The following DHX15 variants were observed in gnomAD, a reference collection of about 807,000 sequenced individuals.
DHX15 encodes DEAH-box helicase 15, also known as ATP-dependent RNA helicase DHX15.
Under a neutral mutation model 94.4 loss-of-function variants are expected in DHX15, and 11 were observed. The observed-to-expected ratio is 0.12, with a 90% CI of 0.07 to 0.19. DHX15 has a LOEUF of 0.19. DHX15 is among the 10% of genes least tolerant of loss of function. The pLI is 1.00. For missense variants in DHX15, 304 were observed against 988.5 expected (o/e 0.31, Z 9.29); for synonymous variants, 338 against 329.9 (o/e 1.02, Z -0.27).
chr4:24,565,209 T>C (rs941902966), intron 3 of DHX15, among the ~76,000 whole-genome samples: 1 of 152,248 alleles, frequency 6.6e-6, no homozygotes, highest in African/African-American at 2.4e-5. Flanking sequence ...GAGCCTTCTC[T>C]ATCTAATCCT....
intron 5 of DHX15, among the ~76,000 whole-genome samples, chr4:24,554,109 T>G (rs942507244): frequency 7.2e-5 from 11 of 152,202 alleles, no homozygotes; most frequent in African/African-American, 2.6e-4. Flanking sequence ...TCCCAGCTAC[T>G]TGGGAGGCTG....
chr4:24,533,856 G>C (rs889548221), intron 11 of DHX15: 1 of 152,184 alleles, frequency 6.6e-6, no homozygotes, highest in African/African-American at 2.4e-5. Context: ...CAGGGTTATT[G>C]TGAAATGGGA....
chr4:24,559,743 T>C (rs1039679719), intron 3 of DHX15, among the ~76,000 whole-genome samples: 1 of 152,136 alleles, frequency 6.6e-6, no homozygotes, highest in African/African-American at 2.4e-5. Flanking sequence ...TCTTAAAAAT[T>C]TATTAGCATC....
chr4:24,539,984 A>AT, intron 10 of DHX15, 124 bp downstream of exon 10: 1 of 650,702 alleles, frequency 1.5e-6, no homozygotes, highest in South Asian at 3.7e-5. Flanking sequence ...AGAAAACAAA[A>AT]TTAATTCCTT....
chr4:24,537,156 G>A lies in DHX15; in HGVS notation c.1804C>T (p.Arg602Cys). ...AMLSVPQCFV[R>C]PTEAKKAADE... The stretch of plus-strand genomic sequence containing the variant: ...GCGGCTTTCTTGGCCTCCGTGGGGC[G>A]AACAAAACACTGTGGGACTAAACAA... Residue 602 changes from arginine (R) to cysteine (C), a missense_variant, in exon 11 of 14, where the codon CGC becomes TGC. This residue lies in a region of DHX15 where 44 missense variants were observed against 236.7 expected (regional missense o/e 0.19). Coordinates refer to ENST00000336812, the MANE Select transcript of DHX15 (RefSeq NM_001358.3). This position sits in a 1 kb window ranked among gnomAD's most constrained non-coding sequence, Gnocchi z 4.7. 1 of 1,613,622 alleles carries A rather than the reference G, an allele frequency of 6.2e-7. No homozygotes were observed. The highest frequency in any genetic ancestry group is 8.5e-7 in the Non-Finnish European group (1 of 1,179,748).
intron 10 of DHX15, 51 bp downstream of exon 10, chr4:24,540,057 C>T: frequency 7.4e-7 from 1 of 1,348,416 alleles, no homozygotes; most frequent in Non-Finnish European, 9.8e-7. Context: ...AAGTGAAGTC[C>T]ACCCAAACTT....
chr4:24,531,385 G>A (rs1380770521), intron 12 of DHX15, among the ~76,000 whole-genome samples: 1 of 152,020 alleles, frequency 6.6e-6, no homozygotes, highest in Non-Finnish European at 1.5e-5. Flanking sequence ...ACAGCGCCCG[G>A]CCAGTTTTTT....
At chr4:24,531,189 C>G (rs976982868) in intron 12 of DHX15, among the ~76,000 whole-genome samples, 1 of 151,652 alleles carries the variant, frequency 6.6e-6, no homozygotes, top group Admixed American at 6.6e-5. Context: ...CCCAGGTTTA[C>G]GCCGTTCTCC....
At chr4:24,576,015 T>C (rs1265632621) in intron 2 of DHX15, among the ~76,000 whole-genome samples, 3 of 152,058 alleles carry the variant, frequency 2.0e-5, no homozygotes, top group African/African-American at 7.2e-5. Flanking sequence ...ATACATAAGG[T>C]AACAAAATTT....
chr4:24,578,964 T>C (rs1722345114), intron 1 of DHX15, among the ~76,000 whole-genome samples: 1 of 152,186 alleles, frequency 6.6e-6, no homozygotes, highest in African/African-American at 2.4e-5. Flanking sequence ...AAATCATGTA[T>C]TATATATTGC....
chr4:24,544,087 T>C (rs1279584151), intron 6 of DHX15, among the ~76,000 whole-genome samples: 1 of 152,080 alleles, frequency 6.6e-6, no homozygotes, highest in Non-Finnish European at 1.5e-5. Context: ...GACCTACTCA[T>C]GAGAGAAGGA....
At chr4:24,570,287 AT>A (rs111561273) in intron 3 of DHX15, among the ~76,000 whole-genome samples, 8,167 of 152,100 alleles carry the variant, frequency 0.054, 336 homozygotes, top group African/African-American at 0.11. Flanking sequence ...ATCCCATCCT[AT>A]ACATTCTTCT....
At chr4:24,556,539 A>C in intron 3 of DHX15, 129 bp from the exon 4 acceptor site, 1 of 727,756 alleles carries the variant, frequency 1.4e-6, no homozygotes, top group East Asian at 2.7e-5. Flanking sequence ...CAAATGTGCT[A>C]CTGTTTCATG....
intron 12 of DHX15, among the ~76,000 whole-genome samples, chr4:24,532,285 T>C (rs1721101387): frequency 1.3e-5 from 2 of 152,256 alleles, no homozygotes; most frequent in African/African-American, 4.8e-5. Context: ...ACAGACGTTT[T>C]TGGCTTTTGC....
At chr4:24,538,998 G>T (rs1721254258) in intron 10 of DHX15, 6 of 152,038 alleles carry the variant, frequency 3.9e-5, no homozygotes, top group African/African-American at 1.4e-4. Context: ...CAACATATAA[G>T]AAAGGCAGAC....
At chr4:24,560,970 A>G (rs1721862238) in intron 3 of DHX15, among the ~76,000 whole-genome samples, 1 of 152,252 alleles carries the variant, frequency 6.6e-6, no homozygotes. Context: ...ATGCTCATTT[A>G]CTGATTCCTT....
intron 6 of DHX15, among the ~76,000 whole-genome samples, chr4:24,545,364 T>C (rs2109399278): frequency 6.6e-6 from 1 of 152,372 alleles, no homozygotes; most frequent in Non-Finnish European, 1.5e-5. Context: ...AATTTCATCC[T>C]GTGTGTATGT....
At chr4:24,542,857 A>T in intron 7 of DHX15, 83 bp downstream of exon 7, 1 of 975,992 alleles carries the variant, frequency 1.0e-6, no homozygotes, top group Non-Finnish European at 1.6e-6. Flanking sequence ...TAATTCTGAA[A>T]GGTAAATTTT....
Position 24,547,939 on chromosome 4 carries a change from ATATCTATATCTATATC to A in DHX15, c.1248+900_1248+915del, listed in dbSNP as rs1560765949. Among the ~76,000 whole-genome samples the A allele has an allele frequency of 9.9e-3, 268 of 27,122 alleles. 4 individuals are homozygous for A. The highest frequency in any genetic ancestry group is 0.048 in the Middle Eastern group (3 of 62). The allele number at this position is 27,122 out of a possible 152,430, so 17.8% of individuals were successfully genotyped here. ...TATATATATATATATATATATATAT[ATATCTATATCTATATC>A]TATATCTATCTGCTGATGGGGACTA... On this transcript the variant is annotated intron_variant, in intron 6 of 13. Transcript: ENST00000336812.
Sources: gnomAD v4.1 joint callset for allele counts (sites outside exome capture counted in the v4.1 genomes callset) on GRCh38, gnomAD v4.1.1 for gene constraint, gnomAD v4.1.1 regional missense constraint, Gnocchi (gnomAD v3.1) non-coding constraint, MANE v1.5 for transcripts, NCBI Gene and HGNC (gene_info 2026-07-23, HGNC 2026-07-21) for gene names.